The following PLIN5 variants were observed in gnomAD, a reference collection of about 807,000 sequenced individuals.
PLIN5 encodes perilipin 5, also known as perilipin-5.
Under a neutral mutation model 32.8 loss-of-function variants are expected in PLIN5, and 34 were observed. The observed-to-expected ratio is 1.04, with a 90% CI of 0.79 to 1.38. The LOEUF (loss-of-function observed/expected upper bound fraction) is 1.38. Among genes scored for constraint, PLIN5 ranks in the 40% most tolerant of loss-of-function variants. The pLI is 0.00. For missense variants in PLIN5, 712 were observed against 660.5 expected, an observed-to-expected ratio of 1.08 and a Z score of -0.85; for synonymous variants, 309 against 292.9, an observed-to-expected ratio of 1.05 and a Z score of -0.56.
At position 4,524,962 on chromosome 19, in the gene PLIN5, C is replaced by T. The variant is rs1283294427; in HGVS notation, c.834+1G>A. The T allele has an allele frequency of 2.0e-6, 3 of 1,532,642 alleles. No homozygotes were observed. Among genetic ancestry groups the T allele is most frequent in the South Asian group, 2.4e-5 (2 of 83,022 alleles). The allele number at this position is 1,532,642 out of a possible 1,614,324, so 94.9% of individuals were successfully genotyped here. Reference sequence around the variant, plus strand: ...CTCACCTGGCACTCCTGCGGTCTCACCTGGCTCCGGCGGCGGCTCTCCGGA... The same window carrying T: ...CTCACCTGGCACTCCTGCGGTCTCATCTGGCTCCGGCGGCGGCTCTCCGGA... On this transcript the variant is annotated splice_donor_variant, in intron 7 of 7. Coordinates refer to ENST00000381848, the MANE Select transcript of PLIN5 (RefSeq NM_001013706.3). LOFTEE classifies it high-confidence loss of function.
At chr19:4,533,899 C>T in intron 2 of PLIN5, 116 bp downstream of exon 2, 1 of 1,217,898 alleles carries the variant, frequency 8.2e-7, no homozygotes, top group Non-Finnish European at 1.2e-6. Flanking sequence ...TTTTATGACT[C>T]AGGTTTTCCC....
In PLIN5 at chr19:4,530,548, GGA is replaced by G. The variant is rs1976871123; in HGVS notation, c.257-684_257-683del. Among the ~76,000 whole-genome samples, 3 of 152,260 alleles carry G rather than the reference GGA, an allele frequency of 2.0e-5. No individual in the cohort carries two copies. In the South Asian group the frequency reaches 6.2e-4, roughly 32 times the overall value. On this transcript the variant is annotated intron_variant, in intron 3 of 7. Transcript: ENST00000381848. ...GGCAGGTGCAGAGGGGAGGGGGCCT[GGA>G]GAGACAAATGGACCCAAGGCACATC...
chr19:4,526,970 C>T (rs1976811127), intron 5 of PLIN5, among the ~76,000 whole-genome samples: 1 of 152,110 alleles, frequency 6.6e-6, no homozygotes, highest in Non-Finnish European at 1.5e-5. Flanking sequence ...GGCACAGCGG[C>T]TCACGCCTGT....
In PLIN5 at chr19:4,525,650, G is replaced by A; in HGVS notation, c.703C>T (p.Gln235Ter). The change falls in exon 6 of 8, where the codon CAG becomes TAG. Residue 235 changes from glutamine (Q) to a stop codon, truncating the protein, a stop_gained. Coordinates refer to ENST00000381848, the MANE Select transcript of PLIN5 (RefSeq NM_001013706.3). LOFTEE classifies it high-confidence loss of function. This position sits in a 1 kb window ranked among gnomAD's most constrained non-coding sequence, Gnocchi z 5.6. ...HRAQDTLAQL[Q>*]ETLELIDHMQ... ...GCTCTCACCAGCTCCAGCGTCTCCT[G>A]CAGCTGGGCCAGGGTGTCCTGGGCA... The A allele has an allele frequency of 6.2e-7, 1 of 1,613,410 alleles. No homozygotes were observed. Among genetic ancestry groups the A allele is most frequent in the South Asian group, 1.1e-5 (1 of 91,086 alleles).
rs1976931854 is a variant in PLIN5, at chr19:4,535,181, T to G, written c.-38A>C. 6.6e-6 allele frequency: 1 copy of G among 151,938 alleles called. No homozygotes were observed. Among genetic ancestry groups the G allele is most frequent in the African/African-American group, 2.4e-5 (1 of 41,406 alleles). 9.4% of individuals were successfully genotyped at this position (151,938 alleles called of 1,614,324 possible). The stretch of plus-strand genomic sequence containing the variant: ...GGCACTCACCTGGGCGCGAGCGGCT[T>G]CAGACACCAGCTGTCTCCGCCGACC... On this transcript the variant is annotated 5_prime_UTR_variant, in exon 1 of 8. Coordinates refer to ENST00000381848, the MANE Select transcript of PLIN5 (RefSeq NM_001013706.3).
Position 4,534,055 on chromosome 19 carries a change from G to A in PLIN5, c.20C>T (p.Ala7Val). Residue 7 changes from alanine to valine, a missense_variant, in exon 2 of 8, where the codon GCT becomes GTT. Physicochemically the swap from Ala to Val is moderately conservative, Grantham distance 64. Coordinates refer to ENST00000381848, the MANE Select transcript of PLIN5 (RefSeq NM_001013706.3). ...CCACACACTGGATCTGGGGATCTGA[G>A]CCGCCTCTTCTTCAGACATCGTGCT... MSEEEA[A>V]QIPRSSVWEQ... 2 of 1,613,270 alleles carry A rather than the reference G, an allele frequency of 1.2e-6. No homozygotes were observed. The highest frequency in any genetic ancestry group is 1.7e-6 in the Non-Finnish European group (2 of 1,179,652).
intron 5 of PLIN5, among the ~76,000 whole-genome samples, chr19:4,526,171 CAAG>C (rs1976801132): frequency 6.6e-6 from 1 of 152,086 alleles, no homozygotes; most frequent in African/African-American, 2.4e-5. Context: ...CTGCAGGATC[CAAG>C]AAGCAGACCC....
At position 4,524,125 on chromosome 19, in the gene PLIN5, CAGG is replaced by C. The variant is rs565571335; in HGVS notation, c.835-43_835-41del. ...GACCTCAGTTTCCCCTATGGACGCCCAGGAGGACTGCTGTCCTGCCTCGGTTTC... is the reference window on the plus strand; with the variant it reads ...GACCTCAGTTTCCCCTATGGACGCCCAGGACTGCTGTCCTGCCTCGGTTTC... On this transcript the variant is annotated intron_variant, in intron 7 of 7. Coordinates refer to ENST00000381848, the MANE Select transcript of PLIN5 (RefSeq NM_001013706.3). 2.6e-4 allele frequency: 365 copies of C among 1,388,898 alleles called. No homozygotes were observed. In the African/African-American group the frequency reaches 5.1e-3, roughly 19 times the overall value. 86.0% of individuals were successfully genotyped at this position (1,388,898 alleles called of 1,614,324 possible).
chr19:4,524,935 A>G (rs1346021844), intron 7 of PLIN5, 28 bp downstream of exon 7: 1 of 1,514,694 alleles, frequency 6.6e-7, no homozygotes, highest in Admixed American at 2.1e-5. Flanking sequence ...GGCAGACACC[A>G]CCTCACCTGG....
intron 5 of PLIN5, chr19:4,528,416 T>C (rs1976835077): frequency 1.4e-5 from 2 of 142,000 alleles, no homozygotes; most frequent in South Asian, 4.3e-4. Flanking sequence ...AGTTTTTCTT[T>C]TTTTTTTTTT....
chr19:4,530,353 G>A (rs1293753625), intron 3 of PLIN5, among the ~76,000 whole-genome samples: 2 of 152,226 alleles, frequency 1.3e-5, no homozygotes, highest in Non-Finnish European at 2.9e-5. Context: ...GGTCACAGAA[G>A]CTGGCTGAGA....
Position 4,523,406 on chromosome 19 carries a change from G to A in PLIN5, c.*122C>T. ...CCAAAAAGGTGGTCAGAGATCCGGA[G>A]TTGGGCCTGATTCCAAAGAAGGGTC... On this transcript the variant is annotated 3_prime_UTR_variant, in exon 8 of 8. Coordinates refer to ENST00000381848, the MANE Select transcript of PLIN5 (RefSeq NM_001013706.3). This position sits in a 1 kb window ranked among gnomAD's most constrained non-coding sequence, Gnocchi z 5.0. The A allele has an allele frequency of 3.4e-6, 4 of 1,165,998 alleles. No homozygotes were observed. Among genetic ancestry groups the A allele is most frequent in the Non-Finnish European group, 2.4e-6 (2 of 850,420 alleles). 72.2% of individuals were successfully genotyped at this position (1,165,998 alleles called of 1,614,324 possible).
rs778751406 is a variant in PLIN5, at chr19:4,524,961, A to G, written c.834+2T>C. On this transcript the variant is annotated splice_donor_variant, in intron 7 of 7. Transcript: ENST00000381848. LOFTEE classifies it high-confidence loss of function. Reference sequence around the variant, plus strand: ...CCTCACCTGGCACTCCTGCGGTCTCACCTGGCTCCGGCGGCGGCTCTCCGG... The same window carrying G: ...CCTCACCTGGCACTCCTGCGGTCTCGCCTGGCTCCGGCGGCGGCTCTCCGG... The G allele has an allele frequency of 6.5e-6, 10 of 1,530,104 alleles. No homozygotes were observed. The highest frequency in any genetic ancestry group is 7.9e-6 in the Non-Finnish European group (9 of 1,138,814). The allele number at this position is 1,530,104 out of a possible 1,614,324, so 94.8% of individuals were successfully genotyped here. A position where few individuals can be genotyped will look rare whatever the true frequency, so the allele number is the denominator to read the frequency against.
At chr19:4,527,114 T>A (rs138368564) in intron 5 of PLIN5, among the ~76,000 whole-genome samples, 1 of 151,090 alleles carries the variant, frequency 6.6e-6, no homozygotes, top group Non-Finnish European at 1.5e-5. Flanking sequence ...CTCGCTCTGT[T>A]GCCCAGGCTG....
At position 4,523,507 on chromosome 19, in the gene PLIN5, C is replaced by T; in HGVS notation, c.*21G>A. On this transcript the variant is annotated 3_prime_UTR_variant, in exon 8 of 8. Transcript: ENST00000381848. This position sits in a 1 kb window ranked among gnomAD's most constrained non-coding sequence, Gnocchi z 5.0. ...GGGGTGTGCAGGTGGCCTTTCCTCC[C>T]CGCCTCCACTGGCCCATGGGTCAGA... 7 of 1,526,318 alleles carry T rather than the reference C, an allele frequency of 4.6e-6. No individual in the cohort carries two copies. Among genetic ancestry groups the T allele is most frequent in the Non-Finnish European group, 6.2e-6 (7 of 1,133,712 alleles). 94.5% of individuals were successfully genotyped at this position (1,526,318 alleles called of 1,614,324 possible). A position where few individuals can be genotyped will look rare whatever the true frequency, so the allele number is the denominator to read the frequency against.
intron 5 of PLIN5, among the ~76,000 whole-genome samples, chr19:4,526,847 G>T (rs1555695487): frequency 7.2e-6 from 1 of 138,324 alleles, no homozygotes; most frequent in Non-Finnish European, 1.5e-5. Context: ...AACAGAGCAA[G>T]ACTCCATCTC....
chr19:4,526,070 C>T (rs1244338154), intron 5 of PLIN5, among the ~76,000 whole-genome samples: 3 of 152,138 alleles, frequency 2.0e-5, no homozygotes. Flanking sequence ...GACATCAACC[C>T]ATTTGGTCTT....
intron 2 of PLIN5, chr19:4,533,484 G>C (rs1168874032): frequency 5.9e-6 from 1 of 168,134 alleles, no homozygotes; most frequent in Non-Finnish European, 1.3e-5. Context: ...TGGGGGTTCA[G>C]AGCACTGCCC....
chr19:4,529,211 C>A lies in PLIN5; in HGVS notation c.382G>T (p.Gly128Cys), dbSNP rs1405033684. 5.6e-6 allele frequency: 9 copies of A among 1,611,958 alleles called. No individual in the cohort carries two copies. The highest frequency in any genetic ancestry group is 1.1e-5 in the South Asian group (1 of 90,866). ...CCCCTCCGGGCCAGGTCCACCACAC[C>A]CGTGACACTGCTGGCCACCACGTCC... ...AKDVVASSVTGVVDLARRGRR... is the reference protein window; with the variant it reads ...AKDVVASSVTCVVDLARRGRR... The change falls in exon 5 of 8, where the codon GGT (glycine) becomes TGT (cysteine). Residue 128 changes from glycine to cysteine, a missense_variant. Coordinates refer to ENST00000381848, the MANE Select transcript of PLIN5 (RefSeq NM_001013706.3).
Sources: allele counts gnomAD v4.1 joint callset (sites outside exome capture counted in the v4.1 genomes callset), GRCh38; gene constraint gnomAD v4.1.1; non-coding constraint Gnocchi (gnomAD v3.1); transcripts MANE v1.5; gene names NCBI Gene and HGNC (gene_info 2026-07-23, HGNC 2026-07-21).